The following CDH12 variants were observed in gnomAD, a reference collection of about 807,000 sequenced individuals.
CDH12 encodes the protein cadherin-12.
Under a neutral mutation model 74.1 loss-of-function variants are expected in CDH12, and 41 were observed. That is an observed-to-expected ratio of 0.55 (90% CI 0.43 to 0.72). The LOEUF (loss-of-function observed/expected upper bound fraction) is 0.72. Among genes scored for constraint, CDH12 ranks in the 30% least tolerant of loss-of-function variants. CDH12 has a pLI of 0.00. For synonymous variants in CDH12, 399 were observed against 355.0 expected, an observed-to-expected ratio of 1.12 and a Z score of -1.39; for missense variants, 945 against 977.2, an observed-to-expected ratio of 0.97 and a Z score of 0.44.
At chr5:22,310,360 G>A (rs1182350308) in intron 3 of CDH12, among the ~76,000 whole-genome samples, 1 of 151,808 alleles carries the variant, frequency 6.6e-6, no homozygotes, top group Non-Finnish European at 1.5e-5. Flanking sequence ...TACTCAGGAG[G>A]CTGAGGAAGG....
chr5:22,698,190 C>G (rs562436485), intron 1 of CDH12, among the ~76,000 whole-genome samples: 1 of 140,228 alleles, frequency 7.1e-6, no homozygotes, highest in South Asian at 2.4e-4. Flanking sequence ...GGCACAATCT[C>G]AGCTCACTGC....
At chr5:22,702,122 G>T (rs1483879083) in intron 1 of CDH12, among the ~76,000 whole-genome samples, 1 of 152,154 alleles carries the variant, frequency 6.6e-6, no homozygotes, top group Non-Finnish European at 1.5e-5. Context: ...AAAGATAACA[G>T]TATCTATCGT....
intron 1 of CDH12, among the ~76,000 whole-genome samples, chr5:22,731,620 A>G (rs1175626850): frequency 6.6e-6 from 1 of 151,906 alleles, no homozygotes; most frequent in Non-Finnish European, 1.5e-5. Context: ...ATCCTTTTTA[A>G]TGAATATTTG....
intron 13 of CDH12, among the ~76,000 whole-genome samples, chr5:21,759,294 G>T (rs1330596182): frequency 1.3e-5 from 2 of 151,210 alleles, no homozygotes; most frequent in Non-Finnish European, 2.9e-5. Context: ...TTACAGTAAT[G>T]TGTAAAGACA....
intron 2 of CDH12, among the ~76,000 whole-genome samples, chr5:22,421,675 T>C (rs910064670): frequency 5.3e-5 from 8 of 152,186 alleles, no homozygotes; most frequent in African/African-American, 1.9e-4. Context: ...TATAGCAAAA[T>C]GTTTTAAAGT....
intron 5 of CDH12, among the ~76,000 whole-genome samples, chr5:22,064,101 A>G (rs1741393731): frequency 6.6e-6 from 1 of 152,102 alleles, no homozygotes; most frequent in Non-Finnish European, 1.5e-5. Flanking sequence ...GAAATGTTCA[A>G]TAAATACAGT....
At chr5:22,024,383 T>A (rs1401973999) in intron 5 of CDH12, among the ~76,000 whole-genome samples, 1 of 152,182 alleles carries the variant, frequency 6.6e-6, no homozygotes, top group Non-Finnish European at 1.5e-5. Context: ...ATTTGCATTT[T>A]CTCACTTAAA....
At chr5:21,776,992 T>C (rs570778636) in intron 11 of CDH12, among the ~76,000 whole-genome samples, 31 of 152,334 alleles carry the variant, frequency 2.0e-4, no homozygotes, top group Non-Finnish European at 4.0e-4. Context: ...ATATTAGATA[T>C]TACATATCAT....
At chr5:22,324,639 T>C (rs1342459928) in intron 3 of CDH12, among the ~76,000 whole-genome samples, 11 of 151,800 alleles carry the variant, frequency 7.2e-5, no homozygotes, top group Admixed American at 7.2e-4. Context: ...AGATATTTTA[T>C]CTGACCACTT....
Position 22,141,284 on chromosome 5 carries a change from C to G in CDH12, c.-186-62422G>C, listed in dbSNP as rs551760235. ...GACAGATGTGAATAAAAAAGCTACA[C>G]ATTATTACTTAATTAGAATGATAAA... On this transcript the variant is annotated intron_variant, in intron 4 of 14. Transcript: ENST00000382254. The G allele has an allele frequency of 3.9e-5, 6 of 152,282 alleles. No homozygotes were observed. The South Asian group carries it at 1.2e-3, about 32-fold the overall frequency. 9.4% of individuals were successfully genotyped at this position (152,282 alleles called of 1,614,324 possible). A position where few individuals can be genotyped will look rare whatever the true frequency, so the allele number is the denominator to read the frequency against.
At chr5:22,278,013 T>C (rs1736717676) in intron 3 of CDH12, 1 of 152,246 alleles carries the variant, frequency 6.6e-6, no homozygotes, top group African/African-American at 2.4e-5. Flanking sequence ...AGGGTTGGCA[T>C]GTGGCAGACT....
intron 5 of CDH12, among the ~76,000 whole-genome samples, chr5:22,058,415 A>G (rs1025713149): frequency 1.3e-5 from 2 of 152,120 alleles, no homozygotes; most frequent in Non-Finnish European, 2.9e-5. Flanking sequence ...ATAAGGTACT[A>G]TTTGACATGT....
chr5:22,798,585 C>T (rs1279827029), intron 1 of CDH12, among the ~76,000 whole-genome samples: 2 of 151,886 alleles, frequency 1.3e-5, no homozygotes, highest in East Asian at 1.9e-4. Context: ...AAATCATAAT[C>T]GTGATAAAAT....
At chr5:22,756,214 G>T (rs756562494) in intron 1 of CDH12, among the ~76,000 whole-genome samples, 16 of 150,530 alleles carry the variant, frequency 1.1e-4, no homozygotes, top group Admixed American at 4.0e-4. Flanking sequence ...ATCTATGTTT[G>T]TTGAACAAAT....
At chr5:22,354,543 G>A (rs1165263056) in intron 3 of CDH12, among the ~76,000 whole-genome samples, 1 of 152,176 alleles carries the variant, frequency 6.6e-6, no homozygotes, top group Non-Finnish European at 1.5e-5. Context: ...ACTAAGCAAA[G>A]CTGCTTGAGA....
At chr5:22,307,682 C>G (rs1738173127) in intron 3 of CDH12, among the ~76,000 whole-genome samples, 1 of 151,720 alleles carries the variant, frequency 6.6e-6, no homozygotes, top group Non-Finnish European at 1.5e-5. Flanking sequence ...TATATTGAGG[C>G]CATTTAAGAT....
chr5:22,614,336 G>C (rs74984874), intron 1 of CDH12, among the ~76,000 whole-genome samples: 3 of 152,060 alleles, frequency 2.0e-5, no homozygotes, highest in Non-Finnish European at 4.4e-5. Context: ...TGCACGCTCT[G>C]GGTAAATGCC....
At chr5:22,723,847 A>T (rs1744022532) in intron 1 of CDH12, among the ~76,000 whole-genome samples, 1 of 152,072 alleles carries the variant, frequency 6.6e-6, no homozygotes, top group East Asian at 1.9e-4. Context: ...TTCTGGAAAC[A>T]ACATCTGACA....
chr5:21,969,370 C>CT (rs201462065), intron 6 of CDH12, among the ~76,000 whole-genome samples: 1,809 of 152,216 alleles, frequency 0.012, 38 homozygotes, highest in African/African-American at 0.04. Context: ...GTGATCCCAG[C>CT]TTTCTTGTAT....
Sources: gnomAD v4.1 joint callset for allele counts (sites outside exome capture counted in the v4.1 genomes callset) on GRCh38, gnomAD v4.1.1 for gene constraint, MANE v1.5 for transcripts, NCBI Gene and HGNC (gene_info 2026-07-23, HGNC 2026-07-21) for gene names.